STAG1: variants seen among roughly 807,000 people sequenced by gnomAD.
STAG1 encodes STAG1 cohesin complex component, also known as cohesin subunit SA-1.
In STAG1, 26 loss-of-function variants were observed where a neutral mutation model predicts 170.9. The ratio of observed to expected loss-of-function variants is 0.15; its 90% CI spans 0.11 to 0.21. The LOEUF (loss-of-function observed/expected upper bound fraction) is 0.21. Among genes scored for constraint, STAG1 ranks in the 10% least tolerant of loss-of-function variants. The pLI is 1.00. For synonymous variants in STAG1, 514 were observed against 497.7 expected (o/e 1.03, Z -0.44); for missense variants, 964 against 1,509.5 (o/e 0.64, Z 5.99).
At chr3:136,377,774 G>C (rs776820113) in intron 22 of STAG1, 22 bp from the exon 23 acceptor site, 1 of 1,597,668 alleles carries the variant, frequency 6.3e-7, no homozygotes, top group Admixed American at 1.7e-5. Flanking sequence ...ATTCAAATTT[G>C]CAAGCGTGAA....
chr3:136,439,446 A>T (rs1243335341), intron 15 of STAG1, among the ~76,000 whole-genome samples: 3 of 145,942 alleles, frequency 2.1e-5, no homozygotes, highest in African/African-American at 7.6e-5. Flanking sequence ...ACACACAAAC[A>T]CTGTAAGACA....
chr3:136,477,421 A>AG lies in STAG1; in HGVS notation c.903-10dup, dbSNP rs771579967. The AG allele has an allele frequency of 1.9e-6, 3 of 1,589,764 alleles. No individual in the cohort carries two copies. The highest frequency in any genetic ancestry group is 1.2e-5 in the South Asian group (1 of 86,284). On this transcript the variant is annotated splice_polypyrimidine_tract_variant and intron_variant, in intron 9 of 33. Transcript: ENST00000383202. ...TCTCAGCAATAGCATCACTAGAGAG[A>AG]GAAAAAAAAGACAATCTCAAATTAA...
chr3:136,485,239 C>T lies in STAG1; in HGVS notation c.903-7827G>A, dbSNP rs371082931. 5.3e-5 allele frequency among the ~76,000 whole-genome samples: 8 copies of T among 152,198 alleles called. No individual in the cohort carries two copies. The East Asian group carries it at 1.2e-3, about 22-fold the overall frequency. On this transcript the variant is annotated intron_variant, in intron 9 of 33. Coordinates refer to ENST00000383202, the MANE Select transcript of STAG1 (RefSeq NM_005862.3). ...TTGGGAGGCTGAGGTGGGCAGATCA[C>T]GAAGTCAGGAGATCGAGAACATCCT...
chr3:136,408,452 A>C (rs1295056083), intron 21 of STAG1, among the ~76,000 whole-genome samples: 1 of 151,900 alleles, frequency 6.6e-6, no homozygotes, highest in East Asian at 1.9e-4. Flanking sequence ...TGATCCACAA[A>C]AGAAAGTATT....
At chr3:136,659,608 A>C (rs1394558731) in intron 1 of STAG1, among the ~76,000 whole-genome samples, 1 of 152,238 alleles carries the variant, frequency 6.6e-6, no homozygotes, top group Non-Finnish European at 1.5e-5. Context: ...ACTACCTTAA[A>C]GGGCAACTAC....
At chr3:136,694,871 T>C (rs1344326737) in intron 1 of STAG1, among the ~76,000 whole-genome samples, 1 of 152,028 alleles carries the variant, frequency 6.6e-6, no homozygotes, top group African/African-American at 2.4e-5. Flanking sequence ...AGAAATATCA[T>C]GGAAGAAGAA....
intron 1 of STAG1, among the ~76,000 whole-genome samples, chr3:136,720,211 G>T (rs560123357): frequency 1.3e-5 from 2 of 151,314 alleles, no homozygotes; most frequent in Admixed American, 1.3e-4. Context: ...AGTGAACACT[G>T]AGCATTAAAT....
At position 136,439,389 on chromosome 3, in the gene STAG1, GACACACACACACACACACACACACAC is replaced by G. The variant is rs753912835; in HGVS notation, c.1546+3872_1546+3897del. 1.0e-3 allele frequency among the ~76,000 whole-genome samples: 96 copies of G among 95,868 alleles called. 1 individual carries two copies. The South Asian group carries it at 0.014, about 14-fold the overall frequency. The allele number at this position is 95,868 out of a possible 152,430, so 62.9% of individuals were successfully genotyped here. On this transcript the variant is annotated intron_variant, in intron 15 of 33. Transcript: ENST00000383202. ...TTGATTTTGCTGTAAAACACCCCCC[GACACACACACACACACACACACACAC>G]ACACACACACACACACACACACACA...
At chr3:136,402,758 A>C (rs28478252) in intron 21 of STAG1, among the ~76,000 whole-genome samples, 114,658 of 151,424 alleles carry the variant, frequency 0.76, 43,410 homozygotes, top group East Asian at 0.86. Flanking sequence ...ACCCAGGAGG[A>C]GAAGGTTGCA....
intron 13 of STAG1, among the ~76,000 whole-genome samples, chr3:136,464,039 T>A (rs924423102): frequency 6.6e-6 from 1 of 151,552 alleles, no homozygotes; most frequent in South Asian, 2.1e-4. Flanking sequence ...ATTAACGTTA[T>A]GCTTTACAAA....
intron 16 of STAG1, among the ~76,000 whole-genome samples, chr3:136,431,167 G>A (rs2088292349): frequency 6.6e-6 from 1 of 152,100 alleles, no homozygotes; most frequent in African/African-American, 2.4e-5. Flanking sequence ...GCCTCCCAAA[G>A]TGACAGGACT....
intron 15 of STAG1, among the ~76,000 whole-genome samples, chr3:136,441,620 C>T (rs2088634100): frequency 6.6e-6 from 1 of 152,096 alleles, no homozygotes; most frequent in Admixed American, 6.6e-5. Flanking sequence ...AGTATCACTG[C>T]TTGGAAGGAA....
At chr3:136,438,781 T>A (rs1003545794) in intron 15 of STAG1, among the ~76,000 whole-genome samples, 1 of 152,240 alleles carries the variant, frequency 6.6e-6, no homozygotes, top group South Asian at 2.1e-4. Flanking sequence ...TTAATAAATA[T>A]TTTTAAATTA....
chr3:136,731,493 CG>C (rs1328957659), intron 1 of STAG1, among the ~76,000 whole-genome samples: 3 of 152,188 alleles, frequency 2.0e-5, no homozygotes, highest in Admixed American at 1.3e-4. Flanking sequence ...ATGGCAGCCC[CG>C]GCACTGTGTG....
chr3:136,497,489 A>C (rs1040664363), intron 9 of STAG1, among the ~76,000 whole-genome samples: 1 of 152,152 alleles, frequency 6.6e-6, no homozygotes, highest in South Asian at 2.1e-4. Context: ...ATGCAGAAAA[A>C]GATTTGACAA....
intron 5 of STAG1, among the ~76,000 whole-genome samples, chr3:136,562,832 C>T (rs1490450558): frequency 6.6e-6 from 1 of 152,182 alleles, no homozygotes; most frequent in Non-Finnish European, 1.5e-5. Flanking sequence ...AGGTGATCTG[C>T]CCGCCTCAGC....
intron 5 of STAG1, among the ~76,000 whole-genome samples, chr3:136,546,040 A>G (rs1029588024): frequency 6.6e-6 from 1 of 152,204 alleles, no homozygotes; most frequent in African/African-American, 2.4e-5. Flanking sequence ...CAGAAACTTT[A>G]CCAAATACTA....
At chr3:136,660,818 A>T (rs774354863) in intron 1 of STAG1, among the ~76,000 whole-genome samples, 52 of 152,068 alleles carry the variant, frequency 3.4e-4, no homozygotes, top group Non-Finnish European at 6.6e-4. Context: ...AAAAATAAAA[A>T]ATTAGCCAGG....
chr3:136,529,515 A>C (rs187768529), intron 6 of STAG1, among the ~76,000 whole-genome samples: 4 of 152,288 alleles, frequency 2.6e-5, no homozygotes, highest in African/African-American at 4.8e-5. Flanking sequence ...ACAACAACAA[A>C]AAACCCTGCT....
Sources: allele counts gnomAD v4.1 joint callset (sites outside exome capture counted in the v4.1 genomes callset), GRCh38; gene constraint gnomAD v4.1.1; transcripts MANE v1.5; gene names NCBI Gene and HGNC (gene_info 2026-07-23, HGNC 2026-07-21).